Variants in CHRM3 observed in about 807,000 individuals in gnomAD.
CHRM3 encodes muscarinic acetylcholine receptor M3.
Under a neutral mutation model 41.8 loss-of-function variants are expected in CHRM3, and 11 were observed. The observed-to-expected ratio is 0.26, with a 90% CI of 0.17 to 0.44. The LOEUF is 0.44. Ranked by LOEUF, CHRM3 falls within the 20% of genes least tolerant of loss-of-function variation. The pLI, the probability that CHRM3 is intolerant of heterozygous loss-of-function variation, is 1.00. For synonymous variants in CHRM3, 297 were observed against 301.4 expected (o/e 0.99, Z 0.15); for missense variants, 571 against 745.4 (o/e 0.77, Z 2.72).
chr1:239,704,014 G>A (rs1337442439), intron 5 of CHRM3: 11 of 152,188 alleles, frequency 7.2e-5, no homozygotes, highest in Admixed American at 7.2e-4. Flanking sequence ...CTTTGGGAAG[G>A]TAATACACAT....
intron 1 of CHRM3, among the ~76,000 whole-genome samples, chr1:239,429,113 A>T (rs1662623888): frequency 6.6e-6 from 1 of 152,258 alleles, no homozygotes; most frequent in Non-Finnish European, 1.5e-5. Flanking sequence ...GAACAAAAGC[A>T]TTATGATGAA....
At chr1:239,845,169 A>T (rs891827613) in intron 6 of CHRM3, among the ~76,000 whole-genome samples, 16 of 152,318 alleles carry the variant, frequency 1.1e-4, no homozygotes, top group Non-Finnish European at 2.4e-4. Flanking sequence ...CATATGAAAG[A>T]GCCAGTTAAC....
intron 1 of CHRM3, among the ~76,000 whole-genome samples, chr1:239,469,509 G>C (rs1423735259): frequency 1.3e-5 from 2 of 151,896 alleles, no homozygotes; most frequent in Non-Finnish European, 2.9e-5. Flanking sequence ...TAGTTGTGAG[G>C]GTTATGTTTT....
At chr1:239,544,185 T>G (rs1486823133) in intron 2 of CHRM3, among the ~76,000 whole-genome samples, 1 of 152,152 alleles carries the variant, frequency 6.6e-6, no homozygotes, top group Non-Finnish European at 1.5e-5. Flanking sequence ...AGCTGGCTGT[T>G]TTTTTGTAGC....
At chr1:239,643,152 G>T (rs1455222148) in intron 4 of CHRM3, among the ~76,000 whole-genome samples, 1 of 152,142 alleles carries the variant, frequency 6.6e-6, no homozygotes, top group Non-Finnish European at 1.5e-5. Context: ...GTACCTGGCA[G>T]TGTGAGGTGT....
At chr1:239,408,544 A>AAAAAT (rs1256608826) in intron 1 of CHRM3, among the ~76,000 whole-genome samples, 1 of 149,400 alleles carries the variant, frequency 6.7e-6, no homozygotes, top group African/African-American at 2.5e-5. Context: ...AAAAAAAAAA[A>AAAAAT]CTCTCTCCTT....
At position 239,884,963 on chromosome 1, in the gene CHRM3, G is replaced by A. The variant is rs1677950995; in HGVS notation, c.-19-22470G>A. Among the ~76,000 whole-genome samples, 3 of 152,118 alleles carry A rather than the reference G, an allele frequency of 2.0e-5. 1 individual carries two copies. In the South Asian group the frequency reaches 6.2e-4, roughly 31 times the overall value. On this transcript the variant is annotated intron_variant, in intron 6 of 6. Coordinates refer to ENST00000676153, the MANE Select transcript of CHRM3 (RefSeq NM_001375978.1). ...ATGGACGACATGAGTCATGCCGCTG[G>A]CCTTGACTCCCTTCTCACCAGCAAA...
chr1:239,583,885 A>T (rs1196762865), intron 3 of CHRM3, among the ~76,000 whole-genome samples: 2 of 150,414 alleles, frequency 1.3e-5, no homozygotes, highest in African/African-American at 5.0e-5. Flanking sequence ...GCTTTAAATT[A>T]TGAGTTTTAT....
At chr1:239,529,694 C>G (rs925170765) in intron 2 of CHRM3, among the ~76,000 whole-genome samples, 6 of 151,122 alleles carry the variant, frequency 4.0e-5, no homozygotes, top group Non-Finnish European at 8.8e-5. Flanking sequence ...TATTACTTTA[C>G]TTGGCTAATT....
intron 2 of CHRM3, among the ~76,000 whole-genome samples, chr1:239,514,454 A>C (rs1669129553): frequency 6.6e-6 from 1 of 152,026 alleles, no homozygotes. Flanking sequence ...ATAGGTAAGC[A>C]ACTGACTTTT....
Position 239,737,999 on chromosome 1 carries a change from T to TAAC in CHRM3, c.-147+59729_-147+59731dup, listed in dbSNP as rs200887896. 4.6e-5 allele frequency among the ~76,000 whole-genome samples: 7 copies of TAAC among 152,048 alleles called. No individual in the cohort carries two copies. In the East Asian group the frequency reaches 5.8e-4, roughly 13 times the overall value. The stretch of plus-strand genomic sequence containing the variant: ...AACCTGGGAATGAGAATGACAAAAA[T>TAAC]AACAACAACAACAACAACAAAAAAC... On this transcript the variant is annotated intron_variant, in intron 5 of 6. Coordinates refer to ENST00000676153, the MANE Select transcript of CHRM3 (RefSeq NM_001375978.1).
chr1:239,699,010 A>G (rs1280120185), intron 5 of CHRM3, among the ~76,000 whole-genome samples: 14 of 152,334 alleles, frequency 9.2e-5, no homozygotes, highest in Non-Finnish European at 7.4e-5. Context: ...TTTAAAAAGA[A>G]GAAAAAAATG....
chr1:239,698,131 T>C (rs1660365080), intron 5 of CHRM3, among the ~76,000 whole-genome samples: 1 of 152,160 alleles, frequency 6.6e-6, no homozygotes, highest in South Asian at 2.1e-4. Context: ...GTTAAATTCG[T>C]TTTCTAAAAA....
intron 5 of CHRM3, among the ~76,000 whole-genome samples, chr1:239,719,891 C>A (rs1662763767): frequency 6.6e-6 from 1 of 151,958 alleles, no homozygotes; most frequent in African/African-American, 2.4e-5. Flanking sequence ...GCTCTGAGCA[C>A]ATGCAGAATA....
intron 2 of CHRM3, among the ~76,000 whole-genome samples, chr1:239,536,626 A>G (rs1365605562): frequency 6.6e-6 from 1 of 152,194 alleles, no homozygotes; most frequent in Non-Finnish European, 1.5e-5. Flanking sequence ...AACTAGGAAA[A>G]TATCCAAAGA....
intron 5 of CHRM3, among the ~76,000 whole-genome samples, chr1:239,750,955 A>T (rs1195408356): frequency 6.6e-6 from 1 of 152,064 alleles, no homozygotes; most frequent in African/African-American, 2.4e-5. Flanking sequence ...AGTCCAGGTG[A>T]GGTGGCTCAT....
intron 1 of CHRM3, among the ~76,000 whole-genome samples, chr1:239,445,259 C>A (rs1285745324): frequency 1.3e-5 from 2 of 152,066 alleles, no homozygotes; most frequent in African/African-American, 4.8e-5. Flanking sequence ...TGAGCTCATA[C>A]CAGGAGCCAG....
chr1:239,901,789 T>G (rs1014602084), intron 6 of CHRM3, among the ~76,000 whole-genome samples: 3 of 152,232 alleles, frequency 2.0e-5, no homozygotes, highest in Admixed American at 2.0e-4. Flanking sequence ...ATTTTTGTCA[T>G]AAAAATAAAT....
chr1:239,533,756 A>C (rs1421734105), intron 2 of CHRM3, among the ~76,000 whole-genome samples: 1 of 149,874 alleles, frequency 6.7e-6, no homozygotes, highest in Non-Finnish European at 1.5e-5. Flanking sequence ...AAAAACAAAA[A>C]AACCCTTAAA....
Sources: allele counts gnomAD v4.1 joint callset (sites outside exome capture counted in the v4.1 genomes callset), GRCh38; gene constraint gnomAD v4.1.1; transcripts MANE v1.5; gene names NCBI Gene and HGNC (gene_info 2026-07-23, HGNC 2026-07-21).